FAM81A: variants seen among roughly 807,000 people sequenced by gnomAD.
The protein encoded by FAM81A is family with sequence similarity 81 member A.
FAM81A carries 19 observed loss-of-function variants against 46.7 expected under a neutral mutation model. The observed-to-expected ratio is 0.41, with a 90% CI of 0.28 to 0.60. FAM81A has a LOEUF of 0.60. FAM81A is among the 20% of genes least tolerant of loss of function. FAM81A has a pLI of 0.34. For synonymous variants in FAM81A, 183 were observed against 152.9 expected (o/e 1.20, Z -1.45); for missense variants, 377 against 453.5 (o/e 0.83, Z 1.53).
At chr15:59,483,753 G>C (rs902569935) in intron 3 of FAM81A, among the ~76,000 whole-genome samples, 2 of 152,170 alleles carry the variant, frequency 1.3e-5, no homozygotes, top group South Asian at 2.1e-4. Context: ...CCCAATCCAG[G>C]TGCTACCTTC....
At chr15:59,498,975 T>C (rs527903137) in intron 4 of FAM81A, among the ~76,000 whole-genome samples, 1 of 152,298 alleles carries the variant, frequency 6.6e-6, no homozygotes, top group African/African-American at 2.4e-5. Flanking sequence ...AGCCCAAATG[T>C]GGATTTTTTT....
At chr15:59,453,443 C>T (rs534701974) in intron 1 of FAM81A, among the ~76,000 whole-genome samples, 13 of 152,286 alleles carry the variant, frequency 8.5e-5, no homozygotes, top group East Asian at 7.7e-4. Context: ...AGCAGTTACT[C>T]GTTACGTTAC....
In FAM81A at chr15:59,482,953, G is replaced by T. The variant is rs2081872656; in HGVS notation, c.295-9318G>T. On this transcript the variant is annotated intron_variant, in intron 3 of 8. Coordinates refer to ENST00000288228, the MANE Select transcript of FAM81A (RefSeq NM_152450.3). ...TCACAGGTGATTGTAACTAGTTTGT[G>T]TTCCTCTTCATAGAGCAGGTTCATT... is the stretch of plus-strand genomic sequence containing the variant. Among the ~76,000 whole-genome samples the T allele has an allele frequency of 2.0e-5, 3 of 152,176 alleles. No homozygotes were observed. The South Asian group carries it at 6.2e-4, about 32-fold the overall frequency.
chr15:59,511,221 T>G (rs1348698324), intron 6 of FAM81A, among the ~76,000 whole-genome samples: 1 of 152,118 alleles, frequency 6.6e-6, no homozygotes, highest in African/African-American at 2.4e-5. Flanking sequence ...AATATTAAAG[T>G]CAGATTTGCA....
chr15:59,422,345 G>C (rs1308564364), intron 2 of FAM81A, among the ~76,000 whole-genome samples: 2 of 152,066 alleles, frequency 1.3e-5, no homozygotes, highest in Admixed American at 1.3e-4. Context: ...CTATGATCAG[G>C]CCACTGCACC....
intron 4 of FAM81A, among the ~76,000 whole-genome samples, chr15:59,497,803 C>T (rs1424168054): frequency 6.6e-6 from 1 of 152,062 alleles, no homozygotes; most frequent in Admixed American, 6.6e-5. Context: ...TGCACTTCAA[C>T]CAGGGTGACA....
chr15:59,423,288 C>T (rs2081182482), intron 2 of FAM81A, among the ~76,000 whole-genome samples: 1 of 151,980 alleles, frequency 6.6e-6, no homozygotes, highest in South Asian at 2.1e-4. Context: ...TTAGTAGAGA[C>T]GGGGTTTCAC....
At position 59,503,526 on chromosome 15, in the gene FAM81A, G is replaced by A. The variant is rs140643629; in HGVS notation, c.414-3687G>A. 1.5e-3 allele frequency among the ~76,000 whole-genome samples: 226 copies of A among 151,606 alleles called. 2 individuals carry two copies. Among genetic ancestry groups the A allele is most frequent in the African/African-American group, 5.3e-3 (219 of 41,322 alleles). On this transcript the variant is annotated intron_variant, in intron 4 of 8. Coordinates refer to ENST00000288228, the MANE Select transcript of FAM81A (RefSeq NM_152450.3). ...ATAGATCTAGCATGCTTTTTAATTG[G>A]ATATGGAGTATTCTGCTACATCTAT... is the stretch of plus-strand genomic sequence containing the variant.
chr15:59,500,018 A>G (rs1323552521), intron 4 of FAM81A, among the ~76,000 whole-genome samples: 1 of 151,786 alleles, frequency 6.6e-6, no homozygotes, highest in Admixed American at 6.6e-5. Context: ...ACACCTGGCT[A>G]ATTTATGTAT....
intron 1 of FAM81A, among the ~76,000 whole-genome samples, chr15:59,442,272 T>C (rs1259245031): frequency 1.3e-5 from 2 of 152,204 alleles, no homozygotes; most frequent in Non-Finnish European, 2.9e-5. Context: ...TAATCATTTT[T>C]CCCCTTTTTA....
intron 1 of FAM81A, among the ~76,000 whole-genome samples, chr15:59,398,303 A>G (rs559965899): frequency 2.6e-5 from 4 of 152,340 alleles, no homozygotes; most frequent in African/African-American, 9.6e-5. Context: ...TTTCATAGGA[A>G]TAAACACATG....
chr15:59,455,326 G>A lies in FAM81A; in HGVS notation c.-77-3224G>A, dbSNP rs147545336. On this transcript the variant is annotated intron_variant, in intron 1 of 8. Transcript: ENST00000288228. ...GTTTAATATATTGTTTAATATAGTG[G>A]AATCACTGCACAATCAAAACAGCAT... is the stretch of plus-strand genomic sequence containing the variant. Among the ~76,000 whole-genome samples, 5 of 151,908 alleles carry A rather than the reference G, an allele frequency of 3.3e-5. No individual in the cohort carries two copies. In the East Asian group the frequency reaches 9.6e-4, roughly 29 times the overall value.
chr15:59,427,180 G>A (rs1220653743), intron 2 of FAM81A, among the ~76,000 whole-genome samples: 5 of 151,716 alleles, frequency 3.3e-5, no homozygotes, highest in Non-Finnish European at 7.4e-5. Flanking sequence ...GCCTGATCTC[G>A]GCTCACTGCA....
intron 1 of FAM81A, among the ~76,000 whole-genome samples, chr15:59,454,822 A>T (rs2081462881): frequency 6.6e-6 from 1 of 151,802 alleles, no homozygotes. Context: ...CTTTTTGTAG[A>T]GACGGGGTTT....
At chr15:59,520,813 C>T (rs769963716) in intron 8 of FAM81A, among the ~76,000 whole-genome samples, 3 of 152,228 alleles carry the variant, frequency 2.0e-5, no homozygotes, top group East Asian at 1.9e-4. Flanking sequence ...ATCCATCCGC[C>T]TTGGCCTCCC....
intron 3 of FAM81A, among the ~76,000 whole-genome samples, chr15:59,468,660 C>CAAA (rs1212549425): frequency 7.0e-6 from 1 of 142,822 alleles, no homozygotes; most frequent in African/African-American, 2.8e-5. Context: ...AAAAAAAAAC[C>CAAA]CAGCTCCTGG....
At chr15:59,457,310 GTA>G in intron 1 of FAM81A, among the ~76,000 whole-genome samples, 1 of 152,300 alleles carries the variant, frequency 6.6e-6, no homozygotes, top group Middle Eastern at 3.4e-3. Context: ...TCCACACCAT[GTA>G]TACCTGGCCC....
intron 4 of FAM81A, among the ~76,000 whole-genome samples, chr15:59,506,620 C>T (rs1229282179): frequency 5.9e-5 from 9 of 152,162 alleles, no homozygotes; most frequent in African/African-American, 2.2e-4. Context: ...TGTGACTCTC[C>T]TATTAGGACT....
intron 6 of FAM81A, among the ~76,000 whole-genome samples, chr15:59,509,940 G>T (rs2082187499): frequency 6.6e-6 from 1 of 152,172 alleles, no homozygotes; most frequent in African/African-American, 2.4e-5. Flanking sequence ...AGGAGACAGA[G>T]TGAGAAGGCC....
Sources: gnomAD v4.1 joint callset for allele counts (sites outside exome capture counted in the v4.1 genomes callset) on GRCh38, gnomAD v4.1.1 for gene constraint, MANE v1.5 for transcripts, NCBI Gene and HGNC (gene_info 2026-07-23, HGNC 2026-07-21) for gene names.